Variants in RFX3 observed in about 807,000 individuals in gnomAD.
The protein encoded by RFX3 is transcription factor RFX3.
Under a neutral mutation model 98.6 loss-of-function variants are expected in RFX3, and 14 were observed. That is an observed-to-expected ratio of 0.14 (90% CI 0.09 to 0.22). The LOEUF is 0.22. Ranked by LOEUF, RFX3 falls within the 10% of genes least tolerant of loss-of-function variation. The pLI is 1.00. For synonymous variants in RFX3, 383 were observed against 328.4 expected (o/e 1.17, Z -1.80); for missense variants, 639 against 926.9 (o/e 0.69, Z 4.03).
At chr9:3,407,025 C>A (rs1048882628) in intron 1 of RFX3, among the ~76,000 whole-genome samples, 2 of 152,174 alleles carry the variant, frequency 1.3e-5, no homozygotes, top group African/African-American at 2.4e-5. Flanking sequence ...AGATCCAATG[C>A]TCTAATCATG....
At chr9:3,277,012 T>C (rs1032567268) in intron 8 of RFX3, among the ~76,000 whole-genome samples, 2 of 152,066 alleles carry the variant, frequency 1.3e-5, no homozygotes, top group African/African-American at 4.8e-5. Context: ...AGAATTCTTT[T>C]TGGCACTTGA....
intron 2 of RFX3, among the ~76,000 whole-genome samples, chr9:3,394,369 A>G (rs916043439): frequency 3.3e-5 from 5 of 152,172 alleles, no homozygotes; most frequent in African/African-American, 9.7e-5. Flanking sequence ...AGGCTGAGGC[A>G]GGAGAATGGT....
chr9:3,228,798 T>A lies in RFX3; in HGVS notation c.2011+49A>T, dbSNP rs186948365. On this transcript the variant is annotated intron_variant, in intron 16 of 16. Coordinates refer to ENST00000617270, the MANE Select transcript of RFX3 (RefSeq NM_001282116.2). ...ATACCGTATTTTCCTCTGTAAGAAC[T>A]TATTAATAAATAAAAGTTCTTAAAA... 1.3e-4 allele frequency: 199 copies of A among 1,489,910 alleles called. No individual in the cohort carries two copies. The African/African-American group carries it at 2.6e-3, about 19-fold the overall frequency. The allele number at this position is 1,489,910 out of a possible 1,614,324, so 92.3% of individuals were successfully genotyped here. A position where few individuals can be genotyped will look rare whatever the true frequency, so the allele number is the denominator to read the frequency against.
intron 1 of RFX3, among the ~76,000 whole-genome samples, chr9:3,468,633 T>C (rs915339373): frequency 6.6e-6 from 1 of 152,042 alleles, no homozygotes; most frequent in African/African-American, 2.4e-5. Flanking sequence ...AATACATACA[T>C]TATTATTTTG....
rs116260943 is a variant in RFX3 at position 3,453,025 on chromosome 9, C to G, written c.-8-57429G>C. ...TCTCTATTTACTAGTTATTTAACTT[C>G]ACTAAATCCCAGCTTCTTCATCTGC... On this transcript the variant is annotated intron_variant, in intron 1 of 16. Coordinates refer to ENST00000617270, the MANE Select transcript of RFX3 (RefSeq NM_001282116.2). Among the ~76,000 whole-genome samples, 1,388 of 152,224 alleles carry G rather than the reference C, an allele frequency of 9.1e-3. 23 individuals carry two copies. Among genetic ancestry groups the G allele is most frequent in the African/African-American group, 0.031 (1,305 of 41,524 alleles).
intron 1 of RFX3, among the ~76,000 whole-genome samples, chr9:3,396,750 G>GT (rs1840930704): frequency 6.6e-6 from 1 of 152,236 alleles, no homozygotes; most frequent in South Asian, 2.1e-4. Context: ...GTGTGAGATG[G>GT]TATCTCATTG....
intron 4 of RFX3, among the ~76,000 whole-genome samples, chr9:3,317,808 T>G (rs62526372): frequency 2.6e-5 from 4 of 152,122 alleles, no homozygotes; most frequent in Non-Finnish European, 5.9e-5. Flanking sequence ...ATGCAAATCA[T>G]AACCACAATG....
chr9:3,397,540 G>A (rs1841015901), intron 1 of RFX3, among the ~76,000 whole-genome samples: 1 of 152,100 alleles, frequency 6.6e-6, no homozygotes, highest in Non-Finnish European at 1.5e-5. Flanking sequence ...TGAAGACAAT[G>A]CATCTATTCT....
At chr9:3,314,411 C>A (rs973254394) in intron 4 of RFX3, among the ~76,000 whole-genome samples, 1 of 152,166 alleles carries the variant, frequency 6.6e-6, no homozygotes, top group African/African-American at 2.4e-5. Flanking sequence ...CCAGCCACTG[C>A]AAAAACATGC....
Position 3,489,460 on chromosome 9 carries a change from T to C in RFX3, c.-9+36287A>G, listed in dbSNP as rs117779970. 37 of 980,964 alleles carry C rather than the reference T, an allele frequency of 3.8e-5. No homozygotes were observed. The East Asian group carries it at 3.4e-3, about 90-fold the overall frequency. The allele number at this position is 980,964 out of a possible 1,614,324, so 60.8% of individuals were successfully genotyped here. ...AAACAAGCTGCTGCATCTTCCTACA[T>C]AACAAAACTATTATTGAGTAGTAGA... On this transcript the variant is annotated intron_variant, in intron 1 of 16. Transcript: ENST00000617270.
intron 1 of RFX3, among the ~76,000 whole-genome samples, chr9:3,414,883 T>G (rs1199484863): frequency 4.3e-5 from 6 of 138,164 alleles, no homozygotes; most frequent in Non-Finnish European, 9.1e-5. Context: ...TATGAGTATA[T>G]ATAAGTATAT....
chr9:3,302,322 C>T (rs546497958), intron 4 of RFX3, among the ~76,000 whole-genome samples: 1 of 151,826 alleles, frequency 6.6e-6, no homozygotes, highest in Non-Finnish European at 1.5e-5. Context: ...ATCACAGAAA[C>T]AGCTCTAATC....
chr9:3,327,115 T>A (rs541586037), intron 4 of RFX3, among the ~76,000 whole-genome samples: 1 of 152,130 alleles, frequency 6.6e-6, no homozygotes, highest in Non-Finnish European at 1.5e-5. Context: ...ATTGTGTTCA[T>A]ATACAATCTT....
At chr9:3,486,519 C>G (rs1850289231) in intron 1 of RFX3, among the ~76,000 whole-genome samples, 1 of 152,050 alleles carries the variant, frequency 6.6e-6, no homozygotes, top group Non-Finnish European at 1.5e-5. Flanking sequence ...TTTTTCTGCC[C>G]TTTTCAGTGT....
chr9:3,454,752 C>G (rs900281944), intron 1 of RFX3, among the ~76,000 whole-genome samples: 1 of 152,136 alleles, frequency 6.6e-6, no homozygotes, highest in African/African-American at 2.4e-5. Flanking sequence ...CCCCACAAAT[C>G]TTTCATTTTA....
chr9:3,236,714 G>C (rs952121819), intron 15 of RFX3, among the ~76,000 whole-genome samples: 1 of 152,156 alleles, frequency 6.6e-6, no homozygotes. Flanking sequence ...AAGCATTCCT[G>C]CTGACCTGGG....
intron 1 of RFX3, among the ~76,000 whole-genome samples, chr9:3,447,771 A>T (rs1445344482): frequency 1.3e-5 from 2 of 152,214 alleles, no homozygotes; most frequent in Non-Finnish European, 2.9e-5. Context: ...TCATAAGAGA[A>T]TCAGAATCTA....
intron 1 of RFX3, among the ~76,000 whole-genome samples, chr9:3,473,051 T>C (rs2133243188): frequency 6.6e-6 from 1 of 152,310 alleles, no homozygotes; most frequent in Middle Eastern, 3.4e-3. Flanking sequence ...CCATCTAGAA[T>C]GTTGCTGAGG....
intron 4 of RFX3, among the ~76,000 whole-genome samples, chr9:3,323,405 T>A (rs1028368629): frequency 3.3e-5 from 5 of 152,232 alleles, no homozygotes; most frequent in African/African-American, 1.2e-4. Context: ...TTTCATATTT[T>A]ATCTGGATTA....
Sources: allele counts gnomAD v4.1 joint callset (sites outside exome capture counted in the v4.1 genomes callset), GRCh38; gene constraint gnomAD v4.1.1; transcripts MANE v1.5; gene names NCBI Gene and HGNC (gene_info 2026-07-23, HGNC 2026-07-21).